Variants in ANKRD10 observed in about 807,000 individuals in gnomAD.
The protein encoded by ANKRD10 is ankyrin repeat domain 10.
In ANKRD10, 14 loss-of-function variants were observed where a neutral mutation model predicts 27.0. The observed-to-expected ratio is 0.52, with a 90% confidence interval of 0.34 to 0.81. The LOEUF is 0.81. Among genes scored for constraint, ANKRD10 ranks in the 40% least tolerant of loss-of-function variants. The probability of loss-of-function intolerance (pLI) is 0.01; values close to 1 mark genes in which losing one functional copy is unlikely to be tolerated. For missense variants in ANKRD10, 493 were observed against 544.0 expected, an observed-to-expected ratio of 0.91 and a Z score of 0.93; for synonymous variants, 250 against 224.5, an observed-to-expected ratio of 1.11 and a Z score of -1.01.
Position 110,893,020 on chromosome 13 carries a change from G to A in ANKRD10, c.691+8C>T, listed in dbSNP as rs372252496. ...AGTGTGCTCTTCCCACCCGCAAAGC[G>A]GTCTCACCTTCAGTTCTAGCTTTCT... On this transcript the variant is annotated splice_region_variant and intron_variant, in intron 4 of 5. Coordinates refer to ENST00000267339, the MANE Select transcript of ANKRD10 (RefSeq NM_017664.4). 262 of 1,613,378 alleles carry A rather than the reference G, an allele frequency of 1.6e-4. 1 individual carries two copies. The highest frequency in any genetic ancestry group is 6.7e-4 in the East Asian group (30 of 44,870).
rs1052584450 is a variant in ANKRD10, at chr13:110,879,921, A to C, written c.979T>G (p.Cys327Gly). Residue 327 changes from cysteine (C) to glycine (G), a missense_variant, in exon 6 of 6, where the codon TGC becomes GGC. Transcript: ENST00000267339. ...TCTGGCTCCTCAGTCCCACTAATGC[A>C]GAGAGAACCCTGGCTACTCGGAAAC... is the stretch of plus-strand genomic sequence containing the variant. ...QPFPSSQGSLCISGTEEPEKT... is the reference protein window; with the variant it reads ...QPFPSSQGSLGISGTEEPEKT... 1.9e-6 allele frequency: 3 copies of C among 1,614,100 alleles called. No homozygotes were observed. Among genetic ancestry groups the C allele is most frequent in the Non-Finnish European group, 1.7e-6 (2 of 1,180,054 alleles).
intron 4 of ANKRD10, among the ~76,000 whole-genome samples, chr13:110,889,884 ATACAAGTTACGCAGCCAAGATAT>A: frequency 6.6e-6 from 1 of 152,346 alleles, no homozygotes; most frequent in South Asian, 2.1e-4. Flanking sequence ...TATTGGTAAG[ATACAAGTTACGCAGCCAAGATAT>A]TATCCCTGGC....
chr13:110,879,724 A>T lies in ANKRD10; in HGVS notation c.1176T>A (p.Ser392Arg). The T allele has an allele frequency of 6.2e-7, 1 of 1,614,136 alleles. No individual in the cohort carries two copies. The highest frequency in any genetic ancestry group is 8.5e-7 in the Non-Finnish European group (1 of 1,180,032). Residue 392 changes from serine (S) to arginine (R), a missense_variant, in exon 6 of 6, where the codon AGT becomes AGA. Ser to Arg is a moderately radical substitution (Grantham distance 110, BLOSUM62 -1). Transcript: ENST00000267339. ...TCACGGACTTGGAATGCTCGACCAC[A>T]CTGTTCAGTTCTGGGATGCTTTCAG... ...DTAESIPELN[S>R]VVEHSKSVKV...
At chr13:110,882,735 A>G (rs2064842765) in intron 5 of ANKRD10, among the ~76,000 whole-genome samples, 1 of 152,244 alleles carries the variant, frequency 6.6e-6, no homozygotes, top group African/African-American at 2.4e-5. Flanking sequence ...GACCACAGCA[A>G]TTCTGTAGCT....
In ANKRD10 at chr13:110,879,338, A is replaced by G; in HGVS notation, c.*299T>C. On this transcript the variant is annotated 3_prime_UTR_variant, in exon 6 of 6. Coordinates refer to ENST00000267339, the MANE Select transcript of ANKRD10 (RefSeq NM_017664.4). ...ATCATATAATCTTTTAACAAAAAGAAAAATGGCAATATCTGGTGACAGTAT... is the reference window on the plus strand; with the variant it reads ...ATCATATAATCTTTTAACAAAAAGAGAAATGGCAATATCTGGTGACAGTAT... 3.2e-6 allele frequency: 1 copy of G among 317,282 alleles called. No individual in the cohort carries two copies. The highest frequency in any genetic ancestry group is 5.9e-6 in the Non-Finnish European group (1 of 170,118). The allele number at this position is 317,282 out of a possible 1,614,324, so 19.7% of individuals were successfully genotyped here.
intron 4 of ANKRD10, among the ~76,000 whole-genome samples, chr13:110,890,075 C>A (rs1428584690): frequency 4.0e-5 from 6 of 151,872 alleles, no homozygotes; most frequent in Admixed American, 3.3e-4. Context: ...GGCATGAGAA[C>A]CAAAAACCTA....
chr13:110,908,996 G>A (rs538745670), intron 2 of ANKRD10, among the ~76,000 whole-genome samples: 107 of 152,286 alleles, frequency 7.0e-4, no homozygotes, highest in Non-Finnish European at 1.3e-3. Flanking sequence ...GAAGTTTCCA[G>A]GAGGTGTTAT....
chr13:110,890,834 A>G (rs929542497), intron 4 of ANKRD10, among the ~76,000 whole-genome samples: 6 of 152,244 alleles, frequency 3.9e-5, no homozygotes, highest in African/African-American at 1.4e-4. Context: ...GTGAACTTCT[A>G]ATCACTGGTC....
In ANKRD10 at chr13:110,878,705, A is replaced by G. The variant is rs550950812; in HGVS notation, c.*932T>C. On this transcript the variant is annotated 3_prime_UTR_variant, in exon 6 of 6. Transcript: ENST00000267339. ...ATTACAATATTTGCAGAGTATAACCACTAGTTGCCTAGACAAAAGCTAATT... is the reference window on the plus strand; with the variant it reads ...ATTACAATATTTGCAGAGTATAACCGCTAGTTGCCTAGACAAAAGCTAATT... 68 of 152,780 alleles carry G rather than the reference A, an allele frequency of 4.5e-4. No homozygotes were observed. The highest frequency in any genetic ancestry group is 1.5e-3 in the African/African-American group (64 of 41,580). The allele number at this position is 152,780 out of a possible 1,614,324, so 9.5% of individuals were successfully genotyped here. A position where few individuals can be genotyped will look rare whatever the true frequency, so the allele number is the denominator to read the frequency against.
intron 4 of ANKRD10, among the ~76,000 whole-genome samples, chr13:110,892,435 A>AAAAAAAAAAAAAAAAAAAAG (rs1348130877): frequency 6.7e-6 from 1 of 148,712 alleles, no homozygotes; most frequent in African/African-American, 2.5e-5. Context: ...AAAAAAAAAA[A>AAAAAAAAAAAAAAAAAAAAG]ATGGTGGGAG....
At chr13:110,888,095 G>A (rs1172634488) in intron 4 of ANKRD10, among the ~76,000 whole-genome samples, 1 of 152,090 alleles carries the variant, frequency 6.6e-6, no homozygotes, top group Non-Finnish European at 1.5e-5. Flanking sequence ...GCAGTGCAGA[G>A]GGTTGGGATG....
Position 110,914,898 on chromosome 13 carries a change from C to G in ANKRD10, c.37G>C (p.Gly13Arg). 1 of 1,540,482 alleles carries G rather than the reference C, an allele frequency of 6.5e-7. No homozygotes were observed. Residue 13 changes from glycine (G) to arginine (R), a missense_variant, in exon 1 of 6, where the codon GGC becomes CGC. Coordinates refer to ENST00000267339, the MANE Select transcript of ANKRD10 (RefSeq NM_017664.4). ...GAGAGCAGCTCCTCGCTGGAGAAGCCCGCCTCTACGCCCGCGCCCGCTCCC... is the reference window on the plus strand; with the variant it reads ...GAGAGCAGCTCCTCGCTGGAGAAGCGCGCCTCTACGCCCGCGCCCGCTCCC... Reference protein sequence around the residue: ...AAGAGAGVEAGFSSEELLSLR... With the variant: ...AAGAGAGVEARFSSEELLSLR...
At chr13:110,887,168 G>A (rs1259687723) in intron 4 of ANKRD10, among the ~76,000 whole-genome samples, 1 of 152,146 alleles carries the variant, frequency 6.6e-6, no homozygotes. Context: ...TGGGGCTGAT[G>A]CCCAGGGCAA....
intron 3 of ANKRD10, among the ~76,000 whole-genome samples, chr13:110,903,795 T>C (rs796908946): frequency 6.6e-6 from 1 of 152,322 alleles, no homozygotes; most frequent in South Asian, 2.1e-4. Flanking sequence ...TAGCATGTAA[T>C]ATGAAGAGTT....
intron 2 of ANKRD10, among the ~76,000 whole-genome samples, chr13:110,907,620 G>A (rs935441714): frequency 3.9e-5 from 6 of 152,144 alleles, no homozygotes; most frequent in Admixed American, 6.5e-5. Flanking sequence ...GGTCTAAAGA[G>A]ACTATAAAGC....
intron 1 of ANKRD10, among the ~76,000 whole-genome samples, chr13:110,911,221 G>A (rs577685046): frequency 3.3e-5 from 5 of 152,146 alleles, no homozygotes; most frequent in East Asian, 1.9e-4. Flanking sequence ...AGGCCAAGGC[G>A]GGTGGATCAC....
chr13:110,883,680 G>T lies in ANKRD10; in HGVS notation c.787+18C>A, dbSNP rs751413527. The T allele has an allele frequency of 6.2e-7, 1 of 1,612,880 alleles. No individual in the cohort carries two copies. On this transcript the variant is annotated intron_variant, in intron 5 of 5. Transcript: ENST00000267339. ...ATTGGATTGTTGTTGCAGCTAACAG[G>T]AAACTGTCCACTCCCACCTGTTACA...
intron 4 of ANKRD10, among the ~76,000 whole-genome samples, chr13:110,891,817 C>G (rs1349999076): frequency 6.6e-6 from 1 of 151,760 alleles, no homozygotes; most frequent in Non-Finnish European, 1.5e-5. Context: ...CACCTCTCCC[C>G]CTAAGTTCAC....
intron 3 of ANKRD10, among the ~76,000 whole-genome samples, chr13:110,901,589 TG>T (rs956381414): frequency 2.4e-4 from 36 of 152,356 alleles, no homozygotes; most frequent in Non-Finnish European, 5.1e-4. Flanking sequence ...ATCAAAATTC[TG>T]AACAATTTCT....
Sources: allele counts gnomAD v4.1 joint callset (sites outside exome capture counted in the v4.1 genomes callset), GRCh38; gene constraint gnomAD v4.1.1; transcripts MANE v1.5; gene names NCBI Gene and HGNC (gene_info 2026-07-23, HGNC 2026-07-21).